COG3: variants seen among roughly 807,000 people sequenced by gnomAD.
COG3 encodes component of oligomeric golgi complex 3.
A neutral mutation model predicts 114.1 loss-of-function variants in COG3; 32 were observed. The ratio of observed to expected loss-of-function variants is 0.28; its 90% CI spans 0.21 to 0.38. COG3 has a LOEUF of 0.38. Among genes scored for constraint, COG3 ranks in the 10% least tolerant of loss-of-function variants. The pLI is 1.00. For missense variants in COG3, 813 were observed against 973.2 expected, an observed-to-expected ratio of 0.84 and a Z score of 2.19; for synonymous variants, 352 against 365.7, an observed-to-expected ratio of 0.96 and a Z score of 0.43.
intron 7 of COG3, 127 bp from the exon 8 acceptor site, chr13:45,486,368 G>GAGGGAGAGGGAT: frequency 3.1e-6 from 2 of 655,378 alleles, no homozygotes; most frequent in South Asian, 1.7e-5. Flanking sequence ...GGGAGAGGGA[G>GAGGGAGAGGGAT]ACTCTCCCTA....
chr13:45,486,311 CG>C (rs1886648303), intron 7 of COG3, among the ~76,000 whole-genome samples, 183 bp from the exon 8 acceptor site: 3 of 44,798 alleles, frequency 6.7e-5, no homozygotes, highest in Non-Finnish European at 7.8e-5. Flanking sequence ...AGACGGGAGA[CG>C]GGAGACGGGA....
At chr13:45,466,664 C>G (rs1397762572) in intron 1 of COG3, 1 of 152,188 alleles carries the variant, frequency 6.6e-6, no homozygotes, top group Non-Finnish European at 1.5e-5. Context: ...TTGGCTCCTA[C>G]TGCAGCAGGA....
At chr13:45,531,621 C>A (rs1251342470) in intron 22 of COG3, among the ~76,000 whole-genome samples, 21 of 151,950 alleles carry the variant, frequency 1.4e-4, no homozygotes, top group Admixed American at 1.4e-3. Context: ...AATTCTTGTG[C>A]CTCAGCCTCC....
chr13:45,466,270 C>T (rs1014186006), intron 1 of COG3, among the ~76,000 whole-genome samples: 2 of 152,152 alleles, frequency 1.3e-5, no homozygotes, highest in African/African-American at 2.4e-5. Flanking sequence ...AACTCCTGAC[C>T]TCAAGTGATC....
intron 14 of COG3, among the ~76,000 whole-genome samples, chr13:45,507,792 G>C (rs1870332424): frequency 6.7e-6 from 1 of 148,472 alleles, no homozygotes; most frequent in African/African-American, 2.5e-5. Context: ...AAAAAAGCCT[G>C]GGTGTGGTGG....
In COG3 at chr13:45,534,682, C is replaced by T. The variant is rs1293466113; in HGVS notation, c.2458-20C>T. 9.1e-6 allele frequency: 14 copies of T among 1,537,040 alleles called. No homozygotes were observed. The highest frequency in any genetic ancestry group is 3.4e-4 in the Middle Eastern group (2 of 5,946). Reference sequence around the variant, plus strand: ...GTATTCCATAGGAGAACTAACATAGCTCTTAATTTTGCTTTTCAGCTGAGC... The same window carrying T: ...GTATTCCATAGGAGAACTAACATAGTTCTTAATTTTGCTTTTCAGCTGAGC... On this transcript the variant is annotated intron_variant, in intron 22 of 22. Transcript: ENST00000349995.
At chr13:45,494,968 C>G (rs993809015) in intron 12 of COG3, among the ~76,000 whole-genome samples, 3 of 149,346 alleles carry the variant, frequency 2.0e-5, no homozygotes, top group Non-Finnish European at 4.4e-5. Flanking sequence ...GCCTCAGCCT[C>G]CCGAGTAGCT....
intron 1 of COG3, among the ~76,000 whole-genome samples, chr13:45,468,798 G>A (rs1325208237): frequency 1.3e-5 from 2 of 152,206 alleles, no homozygotes; most frequent in Non-Finnish European, 2.9e-5. Context: ...CTCTAGTGGT[G>A]TCTGTCTGCT....
Position 45,486,590 on chromosome 13 carries a change from A to AT in COG3, c.924+16dup. 1 of 1,486,684 alleles carries AT rather than the reference A, an allele frequency of 6.7e-7. No individual in the cohort carries two copies. Among genetic ancestry groups the AT allele is most frequent in the African/African-American group, 1.4e-5 (1 of 72,188 alleles). The allele number at this position is 1,486,684 out of a possible 1,614,324, so 92.1% of individuals were successfully genotyped here. A position where few individuals can be genotyped will look rare whatever the true frequency, so the allele number is the denominator to read the frequency against. On this transcript the variant is annotated intron_variant, in intron 8 of 22. Transcript: ENST00000349995. ...CCAAAGTCAGAGTAAGTCTATTGAC[A>AT]TAACTAGGACATTGCTATGAAATTT...
At position 45,509,934 on chromosome 13, in the gene COG3, A is replaced by T. The variant is rs1870671448; in HGVS notation, c.1719+118A>T. The T allele has an allele frequency of 1.2e-5, 13 of 1,086,628 alleles. No homozygotes were observed. In the South Asian group the frequency reaches 1.9e-4, roughly 16 times the overall value. The allele number at this position is 1,086,628 out of a possible 1,614,324, so 67.3% of individuals were successfully genotyped here. A position where few individuals can be genotyped will look rare whatever the true frequency, so the allele number is the denominator to read the frequency against. On this transcript the variant is annotated intron_variant, in intron 15 of 22. Transcript: ENST00000349995. ...ATTCTTAAAATCATGATTTTTAGAT[A>T]TGGAAGTAACTTGAGGTCAAGCTAA...
At chr13:45,531,960 T>C (rs898449530) in intron 22 of COG3, 2 of 152,178 alleles carry the variant, frequency 1.3e-5, no homozygotes, top group South Asian at 2.1e-4. Context: ...ATTCAGAAAG[T>C]TGTGCAGTCC....
In COG3 at chr13:45,511,798, T is replaced by C. The variant is rs530500959; in HGVS notation, c.1753T>C (p.Leu585=). ...GTTCCAAGGATTATCACAGGAAGCA[T>C]TGTCTGCCTGCATTCAGTCCTTACT... is the stretch of plus-strand genomic sequence containing the variant. ...AVFQGLSQEA[L]SACIQSLLGA... is the part of the protein sequence containing the mutation. Residue 585 remains leucine (L), a synonymous_variant, in exon 16 of 23, where the codon TTG becomes CTG. Coordinates refer to ENST00000349995, the MANE Select transcript of COG3 (RefSeq NM_031431.4). 2 of 1,614,064 alleles carry C rather than the reference T, an allele frequency of 1.2e-6. No homozygotes were observed. Among genetic ancestry groups the C allele is most frequent in the Admixed American group, 1.7e-5 (1 of 60,012 alleles).
Position 45,465,168 on chromosome 13 carries a change from G to A in COG3, c.132G>A (p.Leu44=). 6.2e-7 allele frequency: 1 copy of A among 1,613,724 alleles called. No individual in the cohort carries two copies. The highest frequency in any genetic ancestry group is 8.5e-7 in the Non-Finnish European group (1 of 1,179,918). Reference sequence around the variant, plus strand: ...CCGACAGGCAGACGGACTCGGTATTGGAGCTGAAGGCGGCGGCAGAGAACT... The same window carrying A: ...CCGACAGGCAGACGGACTCGGTATTAGAGCTGAAGGCGGCGGCAGAGAACT... ...PLTDRQTDSV[L]ELKAAAENLP... is the part of the protein sequence containing the mutation. The change falls in exon 1 of 23, where the codon TTG becomes TTA. Residue 44 remains leucine (L), a synonymous_variant. Transcript: ENST00000349995.
intron 4 of COG3, among the ~76,000 whole-genome samples, chr13:45,480,902 A>C (rs1886209310): frequency 6.6e-6 from 1 of 152,346 alleles, no homozygotes; most frequent in East Asian, 1.9e-4. Context: ...GATTGTACCA[A>C]TGGTGAGATT....
At position 45,516,203 on chromosome 13, in the gene COG3, G is replaced by A; in HGVS notation, c.1870G>A (p.Ala624Thr). 6.2e-7 allele frequency: 1 copy of A among 1,600,758 alleles called. No individual in the cohort carries two copies. Among genetic ancestry groups the A allele is most frequent in the Non-Finnish European group, 8.5e-7 (1 of 1,170,476 alleles). The change falls in exon 17 of 23, where the codon GCT becomes ACT. Residue 624 changes from alanine (A) to threonine (T), a missense_variant. By Grantham distance (58) the Ala-to-Thr change is moderately conservative. Transcript: ENST00000349995. ...CCTTTTGATACTTCGTGAACAAATTGCTCCATTTCACACTGAATTCACCAT... is the reference window on the plus strand; with the variant it reads ...CCTTTTGATACTTCGTGAACAAATTACTCCATTTCACACTGAATTCACCAT... ...KHLLILREQIAPFHTEFTIKE... is the reference protein window; with the variant it reads ...KHLLILREQITPFHTEFTIKE...
At chr13:45,520,123 AC>A (rs1871961112) in intron 19 of COG3, among the ~76,000 whole-genome samples, 1 of 152,096 alleles carries the variant, frequency 6.6e-6, no homozygotes, top group South Asian at 2.1e-4. Context: ...CCTAGTCGCT[AC>A]AAAAAACGAA....
At chr13:45,480,576 T>TTTTTTA (rs1886187747) in intron 4 of COG3, among the ~76,000 whole-genome samples, 1 of 152,156 alleles carries the variant, frequency 6.6e-6, no homozygotes. Flanking sequence ...GACACTTTTA[T>TTTTTTA]TTTTTATTTT....
intron 16 of COG3, 167 bp downstream of exon 16, chr13:45,512,021 A>G (rs1210122789): frequency 3.3e-6 from 2 of 602,090 alleles, no homozygotes; most frequent in Non-Finnish European, 5.9e-6. Flanking sequence ...ATAGTGCTAA[A>G]TAAAGACTGT....
At chr13:45,486,619 C>A in intron 8 of COG3, 44 bp downstream of exon 8, 1 of 1,163,252 alleles carries the variant, frequency 8.6e-7, no homozygotes, top group South Asian at 1.2e-5. Flanking sequence ...GAAATTTGTT[C>A]ATCTGCCCTT....
Sources: gnomAD v4.1 joint callset for allele counts (sites outside exome capture counted in the v4.1 genomes callset) on GRCh38, gnomAD v4.1.1 for gene constraint, MANE v1.5 for transcripts, NCBI Gene and HGNC (gene_info 2026-07-23, HGNC 2026-07-21) for gene names.